MCTP1: variants seen among roughly 807,000 people sequenced by gnomAD.
MCTP1 encodes multiple C2 and transmembrane domain containing 1, also known as multiple C2 and transmembrane domain-containing protein 1.
Under a neutral mutation model 120.6 loss-of-function variants are expected in MCTP1, and 69 were observed. The observed-to-expected ratio is 0.57, with a 90% CI of 0.47 to 0.70. MCTP1 has a LOEUF of 0.70. Among genes scored for constraint, MCTP1 ranks in the 30% least tolerant of loss-of-function variants. MCTP1 has a pLI of 0.00. For missense variants in MCTP1, 1,203 were observed against 1,248.8 expected (o/e 0.96, Z 0.55); for synonymous variants, 529 against 493.1 (o/e 1.07, Z -0.96).
intron 19 of MCTP1, among the ~76,000 whole-genome samples, chr5:94,732,990 G>C (rs913402608): frequency 2.6e-5 from 4 of 151,724 alleles, no homozygotes; most frequent in Non-Finnish European, 5.9e-5. Context: ...TATGCCTATA[G>C]TGTTTAAATT....
intron 19 of MCTP1, among the ~76,000 whole-genome samples, chr5:94,718,470 A>C (rs1300330199): frequency 1.3e-5 from 2 of 152,174 alleles, no homozygotes; most frequent in African/African-American, 4.8e-5. Context: ...AAAACTTCTA[A>C]AGCGAACATT....
At chr5:95,220,020 A>G (rs1373258074) in intron 1 of MCTP1, among the ~76,000 whole-genome samples, 1 of 152,238 alleles carries the variant, frequency 6.6e-6, no homozygotes, top group Non-Finnish European at 1.5e-5. Context: ...AGCTTGCAAT[A>G]TGTAAATTAG....
Position 94,940,169 on chromosome 5 carries a change from T to C in MCTP1, c.1088A>G (p.Lys363Arg). ...NRPTDVTLTLKDPHYPDHDLG... is the reference protein window; with the variant it reads ...NRPTDVTLTLRDPHYPDHDLG... ...ATCATGGTCAGGATAATGAGGATCTTTCAGAGTAAGGGTCACATCTGTGGG... is the reference window on the plus strand; with the variant it reads ...ATCATGGTCAGGATAATGAGGATCTCTCAGAGTAAGGGTCACATCTGTGGG... Residue 363 changes from lysine (K) to arginine (R), a missense_variant, in exon 5 of 23, where the codon AAA becomes AGA. By Grantham distance (26) the Lys-to-Arg change is conservative. This residue lies in a region of MCTP1 where 740 missense variants were observed against 871.1 expected (regional missense o/e 0.85). Coordinates refer to ENST00000515393, the MANE Select transcript of MCTP1 (RefSeq NM_024717.7). The C allele has an allele frequency of 6.2e-7, 1 of 1,606,884 alleles. No individual in the cohort carries two copies. The highest frequency in any genetic ancestry group is 8.5e-7 in the Non-Finnish European group (1 of 1,175,276).
chr5:95,282,038 T>C (rs1023314978), intron 1 of MCTP1, among the ~76,000 whole-genome samples: 10 of 152,236 alleles, frequency 6.6e-5, no homozygotes, highest in African/African-American at 2.4e-4. Context: ...TATGTGAGCA[T>C]TGGTTTACGA....
At chr5:95,181,877 T>A (rs1748638504) in intron 1 of MCTP1, among the ~76,000 whole-genome samples, 1 of 152,224 alleles carries the variant, frequency 6.6e-6, no homozygotes, top group Admixed American at 6.5e-5. Flanking sequence ...TCACTGTGTT[T>A]GTTATTCAGT....
chr5:95,209,841 G>A (rs1480154211), intron 1 of MCTP1, among the ~76,000 whole-genome samples: 1 of 152,146 alleles, frequency 6.6e-6, no homozygotes, highest in East Asian at 1.9e-4. Context: ...ACACTGCTAT[G>A]AATGTGTCCC....
chr5:94,980,906 T>C lies in MCTP1; in HGVS notation c.839-27545A>G, dbSNP rs74899773. Reference sequence around the variant, plus strand: ...TCTTCAATTATCATATTATTCCATATAGTCAATGGTTATATAAGTTTTATA... The same window carrying C: ...TCTTCAATTATCATATTATTCCATACAGTCAATGGTTATATAAGTTTTATA... On this transcript the variant is annotated intron_variant, in intron 2 of 22. Transcript: ENST00000515393. 2.0e-5 allele frequency: 3 copies of C among 152,100 alleles called. No homozygotes were observed. The East Asian group carries it at 5.8e-4, about 29-fold the overall frequency. 9.4% of individuals were successfully genotyped at this position (152,100 alleles called of 1,614,324 possible).
chr5:95,102,251 A>T (rs1056273440), intron 1 of MCTP1, among the ~76,000 whole-genome samples: 4 of 152,134 alleles, frequency 2.6e-5, no homozygotes, highest in African/African-American at 9.7e-5. Flanking sequence ...CAGCTGGAGG[A>T]TGGTAAGCCA....
chr5:95,260,523 C>T (rs931915445), intron 1 of MCTP1, among the ~76,000 whole-genome samples: 17 of 151,898 alleles, frequency 1.1e-4, no homozygotes, highest in African/African-American at 4.1e-4. Flanking sequence ...GACTCTGGAG[C>T]CCAGGCTATT....
At chr5:95,057,724 C>T (rs1236943602) in intron 1 of MCTP1, among the ~76,000 whole-genome samples, 1 of 152,146 alleles carries the variant, frequency 6.6e-6, no homozygotes, top group African/African-American at 2.4e-5. Context: ...GCATTTCGTA[C>T]CCAGATTTTT....
chr5:94,935,389 A>G lies in MCTP1; in HGVS notation c.1174-3398T>C, dbSNP rs145502614. 1.4e-3 allele frequency among the ~76,000 whole-genome samples: 212 copies of G among 151,626 alleles called. 1 individual carries two copies. Among genetic ancestry groups the G allele is most frequent in the African/African-American group, 4.8e-3 (199 of 41,090 alleles). On this transcript the variant is annotated intron_variant, in intron 5 of 22. Coordinates refer to ENST00000515393, the MANE Select transcript of MCTP1 (RefSeq NM_024717.7). ...TTCATGGAACGTATTGTTACTATTAACAGTGCATAAAAAACTCACAAGATG... is the reference window on the plus strand; with the variant it reads ...TTCATGGAACGTATTGTTACTATTAGCAGTGCATAAAAAACTCACAAGATG...
intron 17 of MCTP1, among the ~76,000 whole-genome samples, chr5:94,827,281 G>A (rs36730): frequency 0.3 from 45,921 of 152,006 alleles, 8,510 homozygotes; most frequent in East Asian, 0.89. Context: ...TTCTTTAAGA[G>A]TGTTGAATAT....
chr5:94,744,523 A>G (rs1766416954), intron 19 of MCTP1, among the ~76,000 whole-genome samples: 1 of 147,814 alleles, frequency 6.8e-6, no homozygotes, highest in African/African-American at 2.5e-5. Context: ...TTTTTTTTTG[A>G]GACAGAGTCT....
chr5:94,904,220 A>G (rs1393585506), intron 10 of MCTP1, among the ~76,000 whole-genome samples: 1 of 152,220 alleles, frequency 6.6e-6, no homozygotes, highest in Non-Finnish European at 1.5e-5. Context: ...CCAGGACAAC[A>G]TGCTGAATAC....
chr5:95,140,408 G>T (rs1253527948), intron 1 of MCTP1, among the ~76,000 whole-genome samples: 6 of 152,106 alleles, frequency 3.9e-5, no homozygotes, highest in Admixed American at 3.9e-4. Context: ...TAGGAGGACA[G>T]AAGGCATTTT....
At chr5:95,242,185 T>C (rs1756239572) in intron 1 of MCTP1, among the ~76,000 whole-genome samples, 1 of 152,158 alleles carries the variant, frequency 6.6e-6, no homozygotes, top group South Asian at 2.1e-4. Context: ...TAGATTGATT[T>C]ATCTAGTTTG....
chr5:95,204,980 C>G (rs1342962765), intron 1 of MCTP1, among the ~76,000 whole-genome samples: 4 of 152,070 alleles, frequency 2.6e-5, no homozygotes, highest in Non-Finnish European at 5.9e-5. Context: ...TAAAAATGCA[C>G]AAGCTATTCC....
chr5:94,749,654 CAAAAAAAAAAAAAAAA>C (rs57404381), intron 19 of MCTP1, among the ~76,000 whole-genome samples: 11 of 50,964 alleles, frequency 2.2e-4, no homozygotes, highest in South Asian at 2.3e-3. Context: ...GACTTCATCT[CAAAAAAAAAAAAAAAA>C]AAAAAAAAAA....
At chr5:94,890,432 A>G (rs1338998828) in intron 11 of MCTP1, among the ~76,000 whole-genome samples, 2 of 152,168 alleles carry the variant, frequency 1.3e-5, no homozygotes, top group Admixed American at 6.5e-5. Flanking sequence ...TGGAAATTGC[A>G]TGGGTTAGAT....
Sources: gnomAD v4.1 joint callset for allele counts (sites outside exome capture counted in the v4.1 genomes callset) on GRCh38, gnomAD v4.1.1 for gene constraint, gnomAD v4.1.1 regional missense constraint, MANE v1.5 for transcripts, NCBI Gene and HGNC (gene_info 2026-07-23, HGNC 2026-07-21) for gene names.